The following ZDHHC23 variants were observed in gnomAD, a reference collection of about 807,000 sequenced individuals.
ZDHHC23 encodes palmitoyltransferase ZDHHC23.
A neutral mutation model predicts 40.2 loss-of-function variants in ZDHHC23; 41 were observed. That is an observed-to-expected ratio of 1.02 (90% CI 0.79 to 1.32). ZDHHC23 has a LOEUF of 1.32. Ranked by LOEUF, ZDHHC23 falls within the 40% of genes most tolerant of loss-of-function variation. The pLI is 0.00. For missense variants in ZDHHC23, 471 were observed against 541.5 expected, an observed-to-expected ratio of 0.87 and a Z score of 1.29; for synonymous variants, 204 against 210.2, an observed-to-expected ratio of 0.97 and a Z score of 0.26.
Position 113,959,852 on chromosome 3 carries a change from G to C in ZDHHC23, c.*1222G>C, listed in dbSNP as rs1939567118. On this transcript the variant is annotated 3_prime_UTR_variant, in exon 5 of 5. Coordinates refer to ENST00000638807, the MANE Select transcript of ZDHHC23 (RefSeq NM_001320466.2). ...TGGTTTCCACTATTAATGGATTACT[G>C]TTCTTCCCTGGCTCTTCCGACAATA... The C allele has an allele frequency of 3.0e-6, 3 of 1,008,166 alleles. No homozygotes were observed. The highest frequency in any genetic ancestry group is 3.6e-6 in the Non-Finnish European group (3 of 841,324). 62.5% of individuals were successfully genotyped at this position (1,008,166 alleles called of 1,614,324 possible).
chr3:113,957,002 G>A (rs1265631664), intron 4 of ZDHHC23, among the ~76,000 whole-genome samples: 1 of 151,996 alleles, frequency 6.6e-6, no homozygotes, highest in Non-Finnish European at 1.5e-5. Context: ...ACCTCTCTTG[G>A]TTTTTCCTGT....
rs538059531 is a variant in ZDHHC23 at position 113,949,228 on chromosome 3, G to T, written c.161+265G>T. The stretch of plus-strand genomic sequence containing the variant: ...AGGGAGAGAACAGGCAGTTTAAAGG[G>T]ATAGTAGGCAAGTTAGTATAAAATA... On this transcript the variant is annotated intron_variant, in intron 2 of 4. Coordinates refer to ENST00000638807, the MANE Select transcript of ZDHHC23 (RefSeq NM_001320466.2). 2.0e-5 allele frequency among the ~76,000 whole-genome samples: 3 copies of T among 152,328 alleles called. No homozygotes were observed. The South Asian group carries it at 6.2e-4, about 32-fold the overall frequency.
At position 113,953,022 on chromosome 3, in the gene ZDHHC23, C is replaced by A. The variant is rs528490192; in HGVS notation, c.162-678C>A. On this transcript the variant is annotated intron_variant, in intron 2 of 4. Coordinates refer to ENST00000638807, the MANE Select transcript of ZDHHC23 (RefSeq NM_001320466.2). Reference sequence around the variant, plus strand: ...TAGCCTAAGTGTGCAAAACAGTCAACCAATATCATTCCATTCACCAAGTTC... The same window carrying A: ...TAGCCTAAGTGTGCAAAACAGTCAAACAATATCATTCCATTCACCAAGTTC... Among the ~76,000 whole-genome samples the A allele has an allele frequency of 9.2e-5, 14 of 152,312 alleles. No individual in the cohort carries two copies. In the South Asian group the frequency reaches 1.2e-3, roughly 14 times the overall value.
In ZDHHC23 at chr3:113,953,923, T is replaced by C; in HGVS notation, c.385T>C (p.Tyr129His). 2 of 1,614,180 alleles carry C rather than the reference T, an allele frequency of 1.2e-6. No individual in the cohort carries two copies. Among genetic ancestry groups the C allele is most frequent in the Non-Finnish European group, 1.7e-6 (2 of 1,180,024 alleles). The change falls in exon 3 of 5, where the codon TAC (tyrosine) becomes CAC (histidine). Residue 129 changes from tyrosine to histidine, a missense_variant. Tyr to His is a moderately conservative substitution (Grantham distance 83, BLOSUM62 2). Coordinates refer to ENST00000638807, the MANE Select transcript of ZDHHC23 (RefSeq NM_001320466.2). ...SLPVLALWYY[Y>H]LTHRRKEQTL... ...TCCTGTGCTGGCACTGTGGTACTAC[T>C]ACCTCACTCACAGAAGGAAAGAACA...
chr3:113,962,737 T>G lies in ZDHHC23; in HGVS notation c.*4107T>G, dbSNP rs1939776848. On this transcript the variant is annotated 3_prime_UTR_variant, in exon 5 of 5. Coordinates refer to ENST00000638807, the MANE Select transcript of ZDHHC23 (RefSeq NM_001320466.2). ...GAAACCCAGGAATATTTACCTGGTG[T>G]TACATTTAATATTTAATGTAACTGG... 6.6e-6 allele frequency: 1 copy of G among 152,160 alleles called. No homozygotes were observed. Among genetic ancestry groups the G allele is most frequent in the African/African-American group, 2.4e-5 (1 of 41,426 alleles). The allele number at this position is 152,160 out of a possible 1,614,324, so 9.4% of individuals were successfully genotyped here.
At chr3:113,955,085 A>T (rs1939043500) in intron 3 of ZDHHC23, among the ~76,000 whole-genome samples, 1 of 152,234 alleles carries the variant, frequency 6.6e-6, no homozygotes, top group Non-Finnish European at 1.5e-5. Context: ...TCAGATATGA[A>T]TGCTGTAAGT....
At position 113,958,276 on chromosome 3, in the gene ZDHHC23, T is replaced by TA. The variant is rs1464311145; in HGVS notation, c.1041-80dup. 24 of 1,281,558 alleles carry TA rather than the reference T, an allele frequency of 1.9e-5. No individual in the cohort carries two copies. The East Asian group carries it at 3.5e-4, about 19-fold the overall frequency. The allele number at this position is 1,281,558 out of a possible 1,614,324, so 79.4% of individuals were successfully genotyped here. A position where few individuals can be genotyped will look rare whatever the true frequency, so the allele number is the denominator to read the frequency against. On this transcript the variant is annotated intron_variant, in intron 4 of 4. Coordinates refer to ENST00000638807, the MANE Select transcript of ZDHHC23 (RefSeq NM_001320466.2). ...AGATGCCAAAGTCTTTAGTAATAAG[T>TA]AAAAAAATGTGTAAAACGTGAGAAT...
rs968586622 is a variant in ZDHHC23, at chr3:113,960,903, C to T, written c.*2273C>T. ...CTTGTGTGGGAAAAGCCTTCCCAGG[C>T]GTCTGTACCGAAAGGAGCAGCAAAC... On this transcript the variant is annotated 3_prime_UTR_variant, in exon 5 of 5. Coordinates refer to ENST00000638807, the MANE Select transcript of ZDHHC23 (RefSeq NM_001320466.2). 12 of 1,019,112 alleles carry T rather than the reference C, an allele frequency of 1.2e-5. No homozygotes were observed. The East Asian group carries it at 1.2e-4, about 10-fold the overall frequency. 63.1% of individuals were successfully genotyped at this position (1,019,112 alleles called of 1,614,324 possible).
At chr3:113,955,894 A>G (rs184890772) in intron 3 of ZDHHC23, among the ~76,000 whole-genome samples, 2 of 152,356 alleles carry the variant, frequency 1.3e-5, no homozygotes, top group Admixed American at 1.3e-4. Context: ...TTAATTCCCT[A>G]AAATTGAAAA....
chr3:113,956,199 A>G lies in ZDHHC23; in HGVS notation c.873-140A>G, dbSNP rs1939212698. The G allele has an allele frequency of 7.0e-6, 6 of 855,904 alleles. No individual in the cohort carries two copies. The Admixed American group carries it at 7.9e-5, about 11-fold the overall frequency. 53.0% of individuals were successfully genotyped at this position (855,904 alleles called of 1,614,324 possible). On this transcript the variant is annotated intron_variant, in intron 3 of 4. Transcript: ENST00000638807. The stretch of plus-strand genomic sequence containing the variant: ...GAGGCAGAGGTTGCAGTGAGCCAAG[A>G]TCGCGCCATTGCACTTTAGCCTGAA...
Position 113,961,867 on chromosome 3 carries a change from G to A in ZDHHC23, c.*3237G>A, listed in dbSNP as rs1333463046. On this transcript the variant is annotated 3_prime_UTR_variant, in exon 5 of 5. Coordinates refer to ENST00000638807, the MANE Select transcript of ZDHHC23 (RefSeq NM_001320466.2). ...CTTAATAGACATGTATTTCCTTTGA[G>A]TAGGACATTAGCTTTTGATTATAAA... 1 of 152,622 alleles carries A rather than the reference G, an allele frequency of 6.6e-6. No homozygotes were observed. Among genetic ancestry groups the A allele is most frequent in the African/African-American group, 2.4e-5 (1 of 41,452 alleles). The allele number at this position is 152,622 out of a possible 1,614,324, so 9.5% of individuals were successfully genotyped here. A position where few individuals can be genotyped will look rare whatever the true frequency, so the allele number is the denominator to read the frequency against.
At chr3:113,957,952 C>T (rs1939388879) in intron 4 of ZDHHC23, 2 of 392,884 alleles carry the variant, frequency 5.1e-6, no homozygotes, top group Admixed American at 3.4e-5. Flanking sequence ...CACTGTTCCT[C>T]GGCATCCACC....
chr3:113,959,169 A>G lies in ZDHHC23; in HGVS notation c.*539A>G. Reference sequence around the variant, plus strand: ...AGCCATGGAAATACAAAGTATTAGGAAAATATTATGATGGAAGAAAAACGT... The same window carrying G: ...AGCCATGGAAATACAAAGTATTAGGGAAATATTATGATGGAAGAAAAACGT... On this transcript the variant is annotated 3_prime_UTR_variant, in exon 5 of 5. Coordinates refer to ENST00000638807, the MANE Select transcript of ZDHHC23 (RefSeq NM_001320466.2). 5.6e-6 allele frequency: 6 copies of G among 1,068,490 alleles called. No homozygotes were observed. Among genetic ancestry groups the G allele is most frequent in the Non-Finnish European group, 6.9e-6 (6 of 875,262 alleles). 66.2% of individuals were successfully genotyped at this position (1,068,490 alleles called of 1,614,324 possible).
downstream of ZDHHC23, among the ~76,000 whole-genome samples, chr3:113,968,774 T>C (rs1352934140): frequency 6.6e-6 from 1 of 152,034 alleles, no homozygotes; most frequent in Non-Finnish European, 1.5e-5. Flanking sequence ...CATTTTTAAA[T>C]TGGATTTTTT....
At chr3:113,975,521 T>C in the ZDHHC23 span, among the ~76,000 whole-genome samples, 1 of 152,216 alleles carries the variant, frequency 6.6e-6, no homozygotes, top group Non-Finnish European at 1.5e-5. Flanking sequence ...GTGTTACCTA[T>C]GTACTGAGCG....
intron 3 of ZDHHC23, 59 bp from the exon 4 acceptor site, chr3:113,956,280 G>C: frequency 6.5e-7 from 1 of 1,532,704 alleles, no homozygotes; most frequent in Non-Finnish European, 8.9e-7. Flanking sequence ...TATTATGTAA[G>C]TTATATCAAG....
At chr3:113,955,389 T>TGTGTGTGTGTGTGTGC (rs368956826) in intron 3 of ZDHHC23, among the ~76,000 whole-genome samples, 14 of 140,146 alleles carry the variant, frequency 1.0e-4, no homozygotes, top group African/African-American at 3.5e-4. Context: ...TGTGTGTGTG[T>TGTGTGTGTGTGTGTGC]GTGCGTGTGT....
At chr3:113,965,220 A>G (rs1939993780), downstream of ZDHHC23, 3 of 1,611,830 alleles carry the variant, frequency 1.9e-6, no homozygotes, top group African/African-American at 2.7e-5. Flanking sequence ...AGCTCGTGGT[A>G]CCTTCCAGGT....
chr3:113,978,959 A>C, the ZDHHC23 span: 1 of 1,614,052 alleles, frequency 6.2e-7, no homozygotes, highest in Non-Finnish European at 8.5e-7. Context: ...CGCTGGAACC[A>C]CGTCAGCATG....
Sources: gnomAD v4.1 joint callset for allele counts (sites outside exome capture counted in the v4.1 genomes callset) on GRCh38, gnomAD v4.1.1 for gene constraint, MANE v1.5 for transcripts, NCBI Gene and HGNC (gene_info 2026-07-23, HGNC 2026-07-21) for gene names.